The following SLC6A5 variants were observed in gnomAD, a reference collection of about 807,000 sequenced individuals.
The protein encoded by SLC6A5 is solute carrier family 6 member 5.
A neutral mutation model predicts 90.5 loss-of-function variants in SLC6A5; 58 were observed. The ratio of observed to expected loss-of-function variants is 0.64; its 90% CI spans 0.52 to 0.80. The LOEUF is 0.80. SLC6A5 is among the 30% of genes least tolerant of loss of function. The pLI is 0.00. For synonymous variants in SLC6A5, 427 were observed against 401.4 expected (o/e 1.06, Z -0.76); for missense variants, 1,015 against 1,017.6 (o/e 1.00, Z 0.03).
chr11:20,618,499 G>A (rs1223178913), intron 7 of SLC6A5, among the ~76,000 whole-genome samples: 2 of 152,178 alleles, frequency 1.3e-5, no homozygotes, highest in Admixed American at 6.5e-5. Context: ...TGATCGCATG[G>A]CTGGGCCCTT....
chr11:20,654,130 C>G (rs913250202), intron 15 of SLC6A5, among the ~76,000 whole-genome samples: 1 of 152,208 alleles, frequency 6.6e-6, no homozygotes, highest in African/African-American at 2.4e-5. Context: ...AGAACCCACA[C>G]TGCTGAACCA....
chr11:20,622,242 G>A (rs1590166208), intron 7 of SLC6A5, among the ~76,000 whole-genome samples: 1 of 152,300 alleles, frequency 6.6e-6, no homozygotes, highest in South Asian at 2.1e-4. Context: ...GCATTCCCAG[G>A]ATTTATAAAC....
intron 7 of SLC6A5, among the ~76,000 whole-genome samples, chr11:20,623,429 G>A (rs2133794329): frequency 6.6e-6 from 1 of 152,206 alleles, no homozygotes; most frequent in South Asian, 2.1e-4. Flanking sequence ...TATCTGGCAT[G>A]TGTTTCTCAC....
chr11:20,606,505 C>T (rs964832857), intron 3 of SLC6A5, among the ~76,000 whole-genome samples: 5 of 152,104 alleles, frequency 3.3e-5, no homozygotes, highest in African/African-American at 1.2e-4. Flanking sequence ...CAATGGCTGT[C>T]TGGCAGAGCC....
chr11:20,622,097 C>T (rs1852902837), intron 7 of SLC6A5, among the ~76,000 whole-genome samples: 1 of 152,182 alleles, frequency 6.6e-6, no homozygotes, highest in Admixed American at 6.5e-5. Context: ...TCACTCCTGC[C>T]AAGTGTAATT....
intron 14 of SLC6A5, among the ~76,000 whole-genome samples, chr11:20,649,511 A>G (rs993449656): frequency 1.3e-5 from 2 of 152,190 alleles, no homozygotes; most frequent in African/African-American, 4.8e-5. Context: ...GTTTGATATG[A>G]TATTTGTGCA....
At chr11:20,604,146 G>C in intron 2 of SLC6A5, 140 bp from the exon 3 acceptor site, 1 of 1,033,520 alleles carries the variant, frequency 9.7e-7, no homozygotes. Flanking sequence ...TAGATTTGGG[G>C]TCCTGCTTGC....
intron 3 of SLC6A5, 32 bp downstream of exon 3, chr11:20,604,456 G>C: frequency 6.2e-7 from 1 of 1,608,368 alleles, no homozygotes; most frequent in Non-Finnish European, 8.5e-7. Flanking sequence ...CGCCTGCGGC[G>C]GGGCGGGGCG....
chr11:20,622,867 C>T (rs951314950), intron 7 of SLC6A5, among the ~76,000 whole-genome samples: 3 of 152,318 alleles, frequency 2.0e-5, no homozygotes, highest in Middle Eastern at 3.4e-3. Context: ...ATCCCATCCC[C>T]GTGCTGTTTT....
intron 13 of SLC6A5, among the ~76,000 whole-genome samples, chr11:20,644,052 A>AT (rs1188166188): frequency 3.9e-5 from 6 of 152,304 alleles, no homozygotes; most frequent in Admixed American, 3.3e-4. Flanking sequence ...TTATTTATGT[A>AT]TTTTTTATTA....
chr11:20,600,363 GA>G, intron 1 of SLC6A5, among the ~76,000 whole-genome samples: 1 of 146,886 alleles, frequency 6.8e-6, no homozygotes, highest in Admixed American at 6.7e-5. Context: ...AGAAGAAGAA[GA>G]AGAAGAAGAA....
chr11:20,640,857 C>T (rs1000389614), intron 13 of SLC6A5, among the ~76,000 whole-genome samples: 1 of 152,132 alleles, frequency 6.6e-6, no homozygotes, highest in African/African-American at 2.4e-5. Flanking sequence ...AACTGACTCA[C>T]TTGATGTGCT....
chr11:20,614,120 A>G lies in SLC6A5; in HGVS notation c.986-559A>G, dbSNP rs16906549. Among the ~76,000 whole-genome samples, 4,054 of 152,236 alleles carry G rather than the reference A, an allele frequency of 0.027. 431 individuals carry two copies. In the East Asian group the frequency reaches 0.35, roughly 13 times the overall value. On this transcript the variant is annotated intron_variant, in intron 5 of 15. Transcript: ENST00000525748. ...GCACGTGTATCCTAGAGTACTTACT[A>G]AATGTGGTGCCAGGCAGTGGGTCCA... is the stretch of plus-strand genomic sequence containing the variant.
At chr11:20,630,454 C>T (rs1030870972) in intron 9 of SLC6A5, among the ~76,000 whole-genome samples, 2 of 152,194 alleles carry the variant, frequency 1.3e-5, no homozygotes, top group Non-Finnish European at 2.9e-5. Flanking sequence ...TTATATAGAT[C>T]GTGGAGTCAG....
rs1425037350 is a variant in SLC6A5, at chr11:20,626,766, G to A, written c.1319G>A (p.Gly440Glu). 3.7e-6 allele frequency: 6 copies of A among 1,614,068 alleles called. No homozygotes were observed. The highest frequency in any genetic ancestry group is 5.1e-6 in the Non-Finnish European group (6 of 1,179,948). Residue 440 changes from glycine (G) to glutamate (E), a missense_variant, in exon 8 of 16, where the codon GGA (glycine) becomes GAA (glutamate). Physicochemically the swap from Gly to Glu is moderately conservative, Grantham distance 98. Transcript: ENST00000525748. The part of the protein sequence containing the change: ...YVVLVILLIR[G>E]VTLPGAGAGI... ...GTACTCGTGATCCTCCTCATCCGAG[G>A]AGTCACCCTGCCTGGAGCTGGAGCT...
At position 20,626,434 on chromosome 11, in the gene SLC6A5, G is replaced by A. The variant is rs139541584; in HGVS notation, c.1261-274G>A. 1.7e-3 allele frequency among the ~76,000 whole-genome samples: 253 copies of A among 152,094 alleles called. 3 individuals are homozygous for A. The highest frequency in any genetic ancestry group is 5.8e-3 in the African/African-American group (240 of 41,504). ...CTAAGGAGTTGTGTACTCATCAGCT[G>A]GGCTGGATGACATCTCCCCCAGCCT... On this transcript the variant is annotated intron_variant, in intron 7 of 15. Transcript: ENST00000525748.
At chr11:20,614,415 G>C (rs1192443738) in intron 5 of SLC6A5, among the ~76,000 whole-genome samples, 2 of 152,172 alleles carry the variant, frequency 1.3e-5, no homozygotes, top group African/African-American at 2.4e-5. Context: ...CAAAATACTT[G>C]CCTACCACAT....
chr11:20,607,554 T>G lies in SLC6A5; in HGVS notation c.887T>G (p.Phe296Cys), dbSNP rs549533519. 1.1e-5 allele frequency: 17 copies of G among 1,614,112 alleles called. No individual in the cohort carries two copies. Among genetic ancestry groups the G allele is most frequent in the Non-Finnish European group, 1.4e-5 (16 of 1,179,920 alleles). Residue 296 changes from phenylalanine to cysteine, a missense_variant, in exon 5 of 16, where the codon TTC (phenylalanine) becomes TGC (cysteine). Phe to Cys is a radical substitution (Grantham distance 205). Around this residue, in one of 3 missense-constraint regions of SLC6A5, gnomAD observed 567 missense variants for 507.3 expected, o/e 1.12. Coordinates refer to ENST00000525748, the MANE Select transcript of SLC6A5 (RefSeq NM_004211.5). ...AATGTGATTATTTGCTATACACTTTTCTACCTGTTTGCCTCCTTTGTGTCT... is the reference window on the plus strand; with the variant it reads ...AATGTGATTATTTGCTATACACTTTGCTACCTGTTTGCCTCCTTTGTGTCT... The part of the protein sequence containing the change: ...YYNVIICYTL[F>C]YLFASFVSVL...
rs1051429628 is a variant in SLC6A5, at chr11:20,655,038, A to C, written c.*170A>C. 2 of 758,354 alleles carry C rather than the reference A, an allele frequency of 2.6e-6. No individual in the cohort carries two copies. The highest frequency in any genetic ancestry group is 4.6e-6 in the Non-Finnish European group (2 of 434,372). 47.0% of individuals were successfully genotyped at this position (758,354 alleles called of 1,614,324 possible). On this transcript the variant is annotated 3_prime_UTR_variant, in exon 16 of 16. Transcript: ENST00000525748. Reference sequence around the variant, plus strand: ...AAGTAGGCATAGTGTCGCATGCTGCAGTAAAGAGCTACATAGACCACCTGA... The same window carrying C: ...AAGTAGGCATAGTGTCGCATGCTGCCGTAAAGAGCTACATAGACCACCTGA...
Sources: gnomAD v4.1 joint callset for allele counts (sites outside exome capture counted in the v4.1 genomes callset) on GRCh38, gnomAD v4.1.1 for gene constraint, gnomAD v4.1.1 regional missense constraint, MANE v1.5 for transcripts, NCBI Gene and HGNC (gene_info 2026-07-23, HGNC 2026-07-21) for gene names.